Variants in TTC29 observed in about 807,000 individuals in gnomAD.
TTC29 encodes tetratricopeptide repeat protein 29.
TTC29 carries 49 observed loss-of-function variants against 58.1 expected under a neutral mutation model. The observed-to-expected ratio is 0.84, with a 90% CI of 0.67 to 1.07. The LOEUF (loss-of-function observed/expected upper bound fraction) is 1.07. Ranked by LOEUF, TTC29 falls within the 50% of genes least tolerant of loss-of-function variation. The pLI is 0.00. For missense variants in TTC29, 582 were observed against 555.6 expected (o/e 1.05, Z -0.48); for synonymous variants, 209 against 196.8 (o/e 1.06, Z -0.52).
rs569996106 is a variant in TTC29 at position 146,907,850 on chromosome 4, T to C, written c.400+1176A>G. Among the ~76,000 whole-genome samples the C allele has an allele frequency of 2.6e-5, 4 of 152,288 alleles. No homozygotes were observed. The South Asian group carries it at 8.3e-4, about 32-fold the overall frequency. On this transcript the variant is annotated intron_variant, in intron 5 of 12. Transcript: ENST00000325106. ...CTTTTTATTTACAATAGTTAATTTC[T>C]TGAGAAATAATTGTAAATAATATTT...
chr4:146,726,541 T>A (rs1265589212), intron 11 of TTC29, among the ~76,000 whole-genome samples: 2 of 152,170 alleles, frequency 1.3e-5, no homozygotes, highest in Non-Finnish European at 2.9e-5. Context: ...TTTTCAAGTA[T>A]TGTCATAAAA....
At chr4:146,917,887 T>C (rs1359969126) in intron 4 of TTC29, among the ~76,000 whole-genome samples, 1 of 150,128 alleles carries the variant, frequency 6.7e-6, no homozygotes, top group East Asian at 1.9e-4. Context: ...TTTTATTATA[T>C]GAACTGAAAA....
intron 2 of TTC29, among the ~76,000 whole-genome samples, chr4:146,940,212 G>T (rs73855093): frequency 6.6e-6 from 1 of 152,052 alleles, no homozygotes; most frequent in African/African-American, 2.4e-5. Flanking sequence ...GTTTTGTAAG[G>T]GACATGATTG....
Position 146,759,089 on chromosome 4 carries a change from AG to A in TTC29, c.1330+44367del, listed in dbSNP as rs754594468. On this transcript the variant is annotated intron_variant, in intron 11 of 12. Coordinates refer to ENST00000325106, the MANE Select transcript of TTC29 (RefSeq NM_031956.4). The stretch of plus-strand genomic sequence containing the variant: ...AGATAAGATTGGTAGACCATTGGCA[AG>A]ATTAACCAAGGAGAGAGAAAATCCA... Among the ~76,000 whole-genome samples the A allele has an allele frequency of 7.2e-5, 11 of 152,122 alleles. No homozygotes were observed. The South Asian group carries it at 8.3e-4, about 11-fold the overall frequency.
rs1400315836 is a variant in TTC29, at chr4:146,749,526, T to C, written c.1331-41975A>G. On this transcript the variant is annotated intron_variant, in intron 11 of 12. Transcript: ENST00000325106. The stretch of plus-strand genomic sequence containing the variant: ...GAGTGAAGATAGCCTATGGGACTTA[T>C]GGCATAGTATTAAATTTACTTATTT... 2.6e-5 allele frequency among the ~76,000 whole-genome samples: 4 copies of C among 152,256 alleles called. 1 individual carries two copies. The South Asian group carries it at 8.3e-4, about 32-fold the overall frequency.
chr4:146,817,454 C>T (rs1290692843), intron 10 of TTC29, among the ~76,000 whole-genome samples: 1 of 152,124 alleles, frequency 6.6e-6, no homozygotes, highest in African/African-American at 2.4e-5. Context: ...AATGGAAGAA[C>T]ATTCCATGCT....
intron 4 of TTC29, among the ~76,000 whole-genome samples, chr4:146,916,324 C>A (rs1734218427): frequency 6.6e-6 from 1 of 151,306 alleles, no homozygotes; most frequent in Admixed American, 6.6e-5. Flanking sequence ...TTTTCCTAGC[C>A]ATATAAATGT....
At chr4:146,939,186 G>A (rs939888030) in intron 3 of TTC29, among the ~76,000 whole-genome samples, 2 of 152,174 alleles carry the variant, frequency 1.3e-5, no homozygotes, top group South Asian at 2.1e-4. Context: ...TGGGCATGGC[G>A]GCTCATCCCT....
chr4:146,836,027 T>G (rs780612526), intron 8 of TTC29, among the ~76,000 whole-genome samples: 12 of 152,098 alleles, frequency 7.9e-5, no homozygotes, highest in Non-Finnish European at 1.3e-4. Flanking sequence ...TAAGAATACT[T>G]GGATTCATGT....
rs114907187 is a variant in TTC29, at chr4:146,728,015, G to A, written c.1331-20464C>T. ...TAAGAATCCACATAGGGCCAGGTGC[G>A]ATGGCTCATGCCTGTAATCCCAGCA... is the stretch of plus-strand genomic sequence containing the variant. On this transcript the variant is annotated intron_variant, in intron 11 of 12. Transcript: ENST00000325106. 5.8e-3 allele frequency among the ~76,000 whole-genome samples: 884 copies of A among 152,228 alleles called. 1 individual carries two copies. The highest frequency in any genetic ancestry group is 0.01 in the Middle Eastern group (3 of 294).
At position 146,720,969 on chromosome 4, in the gene TTC29, T is replaced by C. The variant is rs138716589; in HGVS notation, c.1331-13418A>G. 2.9e-3 allele frequency among the ~76,000 whole-genome samples: 443 copies of C among 152,176 alleles called. 1 individual carries two copies. The highest frequency in any genetic ancestry group is 3.4e-3 in the Middle Eastern group (1 of 294). ...ATAGGTGCTTGGGTGCAGTTTGTAA[T>C]TGATTTCAAATTAGATAGATTCAGA... On this transcript the variant is annotated intron_variant, in intron 11 of 12. Transcript: ENST00000325106.
chr4:146,765,000 A>C (rs183705112), intron 11 of TTC29, among the ~76,000 whole-genome samples: 4 of 152,242 alleles, frequency 2.6e-5, no homozygotes, highest in Admixed American at 2.0e-4. Context: ...TTTAGCCATA[A>C]GCATTATTGG....
intron 11 of TTC29, among the ~76,000 whole-genome samples, chr4:146,775,535 T>C (rs999516473): frequency 2.6e-5 from 4 of 151,906 alleles, no homozygotes; most frequent in Admixed American, 2.6e-4. Flanking sequence ...AAATTCTTGG[T>C]TGAAATTTCT....
intron 11 of TTC29, among the ~76,000 whole-genome samples, chr4:146,731,269 T>C (rs1173457620): frequency 6.6e-6 from 1 of 151,902 alleles, no homozygotes; most frequent in Non-Finnish European, 1.5e-5. Context: ...AGAGCAAATA[T>C]AGGGAGGAGG....
intron 8 of TTC29, among the ~76,000 whole-genome samples, chr4:146,860,906 T>G (rs147997037): frequency 2.7e-4 from 41 of 152,316 alleles, no homozygotes; most frequent in African/African-American, 8.4e-4. Flanking sequence ...AAGATGCTAA[T>G]GTATGTAAAC....
At chr4:146,868,207 C>G (rs1208130229) in intron 7 of TTC29, among the ~76,000 whole-genome samples, 1 of 152,064 alleles carries the variant, frequency 6.6e-6, no homozygotes, top group Non-Finnish European at 1.5e-5. Context: ...GAACATTACA[C>G]TCTGGGGACT....
intron 11 of TTC29, among the ~76,000 whole-genome samples, chr4:146,788,045 T>G (rs1215103186): frequency 2.0e-5 from 3 of 152,162 alleles, no homozygotes; most frequent in Non-Finnish European, 4.4e-5. Context: ...CTTTTCATCA[T>G]GCTGCTGAAA....
At chr4:146,845,918 T>C (rs1729139229) in intron 8 of TTC29, among the ~76,000 whole-genome samples, 1 of 152,148 alleles carries the variant, frequency 6.6e-6, no homozygotes, top group South Asian at 2.1e-4. Flanking sequence ...CTAGTTAGAC[T>C]GTAAGTGCCC....
intron 9 of TTC29, among the ~76,000 whole-genome samples, chr4:146,823,195 T>A (rs1019580328): frequency 2.0e-5 from 3 of 152,228 alleles, no homozygotes; most frequent in African/African-American, 7.2e-5. Flanking sequence ...ATGTCCTGAA[T>A]GGTATTGTCT....
Sources: gnomAD v4.1 joint callset for allele counts (sites outside exome capture counted in the v4.1 genomes callset) on GRCh38, gnomAD v4.1.1 for gene constraint, MANE v1.5 for transcripts, NCBI Gene and HGNC (gene_info 2026-07-23, HGNC 2026-07-21) for gene names.